The following GUCY1A2 variants were observed in gnomAD, a reference collection of about 807,000 sequenced individuals.
GUCY1A2 encodes guanylate cyclase 1 soluble subunit alpha 2, also known as guanylate cyclase soluble subunit alpha-2.
Under a neutral mutation model 63.5 loss-of-function variants are expected in GUCY1A2, and 27 were observed. The observed-to-expected ratio is 0.43, with a 90% CI of 0.31 to 0.59. The LOEUF (loss-of-function observed/expected upper bound fraction) is 0.59, where lower values mean the gene tolerates loss of function less well. Ranked by LOEUF, GUCY1A2 falls within the 20% of genes least tolerant of loss-of-function variation. GUCY1A2 has a pLI of 0.11. For synonymous variants in GUCY1A2, 364 were observed against 343.5 expected (o/e 1.06, Z -0.66); for missense variants, 768 against 913.3 (o/e 0.84, Z 2.05).
intron 4 of GUCY1A2, among the ~76,000 whole-genome samples, chr11:106,901,662 G>A (rs978871445): frequency 1.6e-5 from 2 of 125,608 alleles, no homozygotes; most frequent in Non-Finnish European, 3.2e-5. Context: ...ACAGGCCTCG[G>A]TGTGTGATGT....
intron 3 of GUCY1A2, among the ~76,000 whole-genome samples, chr11:106,940,802 T>C (rs1004736864): frequency 1.3e-5 from 2 of 152,228 alleles, no homozygotes; most frequent in African/African-American, 2.4e-5. Flanking sequence ...TTCAATAGCC[T>C]TGCAGTAGTT....
chr11:106,888,308 A>T (rs933419318), intron 4 of GUCY1A2, among the ~76,000 whole-genome samples: 1 of 151,506 alleles, frequency 6.6e-6, no homozygotes, highest in African/African-American at 2.4e-5. Context: ...AATACAAAAA[A>T]AAAAAAATTA....
intron 4 of GUCY1A2, among the ~76,000 whole-genome samples, chr11:106,870,439 C>A (rs1233631123): frequency 6.6e-6 from 1 of 151,726 alleles, no homozygotes; most frequent in Non-Finnish European, 1.5e-5. Flanking sequence ...TACAAGAATT[C>A]CAAATTCCTG....
chr11:106,947,054 A>G (rs1164038102), intron 3 of GUCY1A2, among the ~76,000 whole-genome samples: 1 of 151,772 alleles, frequency 6.6e-6, no homozygotes, highest in Non-Finnish European at 1.5e-5. Context: ...CATCTCTACT[A>G]AAAAATACAA....
intron 4 of GUCY1A2, among the ~76,000 whole-genome samples, chr11:106,878,664 A>G (rs1461704061): frequency 6.6e-6 from 1 of 151,836 alleles, no homozygotes; most frequent in Non-Finnish European, 1.5e-5. Context: ...ATCTGGAAAA[A>G]TAACTAATGG....
At chr11:106,959,560 C>A (rs1486351366) in intron 3 of GUCY1A2, among the ~76,000 whole-genome samples, 1 of 152,194 alleles carries the variant, frequency 6.6e-6, no homozygotes, top group East Asian at 1.9e-4. Flanking sequence ...TGACTCTAGG[C>A]ATTGCCTTCA....
intron 2 of GUCY1A2, among the ~76,000 whole-genome samples, chr11:106,980,139 T>C (rs1422006522): frequency 6.6e-6 from 1 of 152,014 alleles, no homozygotes; most frequent in Admixed American, 6.6e-5. Context: ...GGAAAAGAAA[T>C]AGAGCAAAAT....
chr11:106,818,440 T>C (rs1038619947), intron 4 of GUCY1A2, among the ~76,000 whole-genome samples: 1 of 152,244 alleles, frequency 6.6e-6, no homozygotes, highest in Middle Eastern at 3.4e-3. Flanking sequence ...TCAGTCAACA[T>C]CGTGTGTGTT....
chr11:106,837,638 T>C (rs1190744057), intron 4 of GUCY1A2, among the ~76,000 whole-genome samples: 1 of 151,912 alleles, frequency 6.6e-6, no homozygotes, highest in Non-Finnish European at 1.5e-5. Flanking sequence ...ATCTGCAAGT[T>C]TTTTCAAATT....
intron 5 of GUCY1A2, among the ~76,000 whole-genome samples, chr11:106,800,777 T>C (rs1189923082): frequency 6.6e-6 from 1 of 151,878 alleles, no homozygotes; most frequent in Non-Finnish European, 1.5e-5. Flanking sequence ...TTAGGAGATA[T>C]ACCTAATGAA....
At chr11:106,775,472 A>G (rs1192443313) in intron 6 of GUCY1A2, among the ~76,000 whole-genome samples, 1 of 104,358 alleles carries the variant, frequency 9.6e-6, no homozygotes, top group Non-Finnish European at 2.1e-5. Context: ...AAATTCACCA[A>G]TTACGTTTTT....
intron 1 of GUCY1A2, among the ~76,000 whole-genome samples, chr11:107,006,621 A>G: frequency 6.6e-6 from 1 of 152,252 alleles, no homozygotes; most frequent in Non-Finnish European, 1.5e-5. Flanking sequence ...GAGAAATGGT[A>G]TGCACATTAA....
chr11:106,918,594 A>T lies in GUCY1A2; in HGVS notation c.1206+20866T>A, dbSNP rs1860399640. ...CATTACACACACAGAGACATTACAC[A>T]TGTCACATTAATTTCAAATTCACAA... is the stretch of plus-strand genomic sequence containing the variant. On this transcript the variant is annotated intron_variant, in intron 4 of 7. Transcript: ENST00000526355. 1.4e-5 allele frequency among the ~76,000 whole-genome samples: 2 copies of T among 145,350 alleles called. 1 individual carries two copies. The highest frequency in any genetic ancestry group is 1.4e-4 in the Admixed American group (2 of 14,590).
In GUCY1A2 at chr11:106,676,388, T is replaced by C. The variant is rs1445938632; in HGVS notation, c.*11161A>G. 2.1e-5 allele frequency: 4 copies of C among 186,726 alleles called. No homozygotes were observed. The highest frequency in any genetic ancestry group is 4.5e-5 in the Non-Finnish European group (4 of 88,418). 11.6% of individuals were successfully genotyped at this position (186,726 alleles called of 1,614,324 possible). On this transcript the variant is annotated 3_prime_UTR_variant, in exon 8 of 8. Coordinates refer to ENST00000526355, the MANE Select transcript of GUCY1A2 (RefSeq NM_000855.3). ...TCTTGATCCAAGCTGTACTTTTTTT[T>C]TTTTTGTATTTAATAAAATGGCAAT...
intron 4 of GUCY1A2, among the ~76,000 whole-genome samples, chr11:106,812,804 ATGT>A (rs1026614536): frequency 6.6e-6 from 1 of 151,952 alleles, no homozygotes; most frequent in Non-Finnish European, 1.5e-5. Flanking sequence ...AAGGAAGAAA[ATGT>A]TGTTGATTGC....
At chr11:106,835,926 G>T (rs1258164426) in intron 4 of GUCY1A2, among the ~76,000 whole-genome samples, 1 of 151,808 alleles carries the variant, frequency 6.6e-6, no homozygotes. Flanking sequence ...AGGAAACAAA[G>T]AATGGGACGA....
At chr11:106,703,203 G>T (rs1365247072) in intron 7 of GUCY1A2, among the ~76,000 whole-genome samples, 1 of 152,114 alleles carries the variant, frequency 6.6e-6, no homozygotes, top group East Asian at 1.9e-4. Flanking sequence ...TCAGCTTGCA[G>T]ACGCCCTATT....
chr11:107,006,944 CA>C (rs1328787836), intron 1 of GUCY1A2, among the ~76,000 whole-genome samples: 1 of 152,134 alleles, frequency 6.6e-6, no homozygotes, highest in Non-Finnish European at 1.5e-5. Flanking sequence ...TTTGATTCAC[CA>C]GAACGAATTT....
intron 4 of GUCY1A2, among the ~76,000 whole-genome samples, chr11:106,859,860 C>A (rs547623471): frequency 6.6e-6 from 1 of 152,024 alleles, no homozygotes; most frequent in East Asian, 1.9e-4. Context: ...TATACATAGC[C>A]TAGGTGTGCA....
Sources: gnomAD v4.1 joint callset for allele counts (sites outside exome capture counted in the v4.1 genomes callset) on GRCh38, gnomAD v4.1.1 for gene constraint, MANE v1.5 for transcripts, NCBI Gene and HGNC (gene_info 2026-07-23, HGNC 2026-07-21) for gene names.